SEMA6D: variants seen among roughly 807,000 people sequenced by gnomAD.
SEMA6D encodes semaphorin 6D.
SEMA6D carries 35 observed loss-of-function variants against 106.6 expected under a neutral mutation model. That is an observed-to-expected ratio of 0.33 (90% CI 0.25 to 0.44). The LOEUF is 0.44. SEMA6D is among the 20% of genes least tolerant of loss of function. The pLI is 1.00. For missense variants in SEMA6D, 1,185 were observed against 1,345.9 expected (o/e 0.88, Z 1.87); for synonymous variants, 499 against 487.7 (o/e 1.02, Z -0.31).
At chr15:47,482,138 C>T (rs1312567570) in intron 3 of SEMA6D, among the ~76,000 whole-genome samples, 2 of 152,082 alleles carry the variant, frequency 1.3e-5, no homozygotes, top group Non-Finnish European at 2.9e-5. Flanking sequence ...AGTAATTGAT[C>T]TCTCTAGAAT....
At chr15:47,524,888 C>G (rs2044702468) in intron 3 of SEMA6D, among the ~76,000 whole-genome samples, 1 of 152,128 alleles carries the variant, frequency 6.6e-6, no homozygotes, top group African/African-American at 2.4e-5. Flanking sequence ...CTCAGTGAAC[C>G]AGGTAGGGCA....
At chr15:47,446,826 G>A (rs940869401) in intron 2 of SEMA6D, among the ~76,000 whole-genome samples, 1 of 152,120 alleles carries the variant, frequency 6.6e-6, no homozygotes, top group African/African-American at 2.4e-5. Context: ...CATATGTCAT[G>A]TCTGTTGTAG....
At chr15:47,290,918 G>T (rs138736190) in intron 1 of SEMA6D, among the ~76,000 whole-genome samples, 1 of 152,180 alleles carries the variant, frequency 6.6e-6, no homozygotes, top group South Asian at 2.1e-4. Flanking sequence ...TATAATTCAG[G>T]TTCCTCTACA....
At position 47,731,397 on chromosome 15, in the gene SEMA6D, G is replaced by A. The variant is rs182766924; in HGVS notation, c.-55+13705G>A. 2.0e-3 allele frequency among the ~76,000 whole-genome samples: 300 copies of A among 152,194 alleles called. 4 individuals are homozygous for A. Among genetic ancestry groups the A allele is most frequent in the African/African-American group, 6.8e-3 (283 of 41,510 alleles). ...AGCCAAACCTGACTTACTGGTAGTG[G>A]CTGTTACAGCTTGTGCTTCAGAAAT... On this transcript the variant is annotated intron_variant, in intron 1 of 18. Coordinates refer to ENST00000536845, the MANE Select transcript of SEMA6D (RefSeq NM_001358351.3).
At chr15:47,390,699 C>A (rs1447380813) in intron 1 of SEMA6D, among the ~76,000 whole-genome samples, 1 of 152,132 alleles carries the variant, frequency 6.6e-6, no homozygotes, top group Non-Finnish European at 1.5e-5. Flanking sequence ...ACTTAAATAT[C>A]GATTCCTCAG....
chr15:47,277,324 A>G (rs2034866671), intron 1 of SEMA6D, among the ~76,000 whole-genome samples: 1 of 152,124 alleles, frequency 6.6e-6, no homozygotes, highest in Non-Finnish European at 1.5e-5. Context: ...ATGCTATCAA[A>G]TTACATCACA....
chr15:47,723,488 A>T (rs1227808059), intron 1 of SEMA6D, among the ~76,000 whole-genome samples: 1 of 152,168 alleles, frequency 6.6e-6, no homozygotes, highest in African/African-American at 2.4e-5. Context: ...GGGGGAATTT[A>T]TGGGCCCCAT....
intron 2 of SEMA6D, among the ~76,000 whole-genome samples, chr15:47,414,473 G>A (rs1412577052): frequency 1.3e-5 from 2 of 152,260 alleles, no homozygotes; most frequent in East Asian, 1.9e-4. Flanking sequence ...AGAGAAACAC[G>A]CATGTGATTG....
At chr15:47,388,998 AT>A (rs1353767996) in intron 1 of SEMA6D, among the ~76,000 whole-genome samples, 1 of 150,804 alleles carries the variant, frequency 6.6e-6, no homozygotes, top group Non-Finnish European at 1.5e-5. Flanking sequence ...CATAAGGATT[AT>A]TTGGTGCAAA....
chr15:47,376,643 A>T (rs2039458847), intron 1 of SEMA6D, among the ~76,000 whole-genome samples: 1 of 152,228 alleles, frequency 6.6e-6, no homozygotes, highest in Admixed American at 6.5e-5. Flanking sequence ...TTGCTAAAGA[A>T]AGATAAACAA....
At chr15:47,473,974 T>C (rs1318096723) in intron 3 of SEMA6D, among the ~76,000 whole-genome samples, 3 of 152,094 alleles carry the variant, frequency 2.0e-5, no homozygotes, top group African/African-American at 7.2e-5. Flanking sequence ...GGCTGTGCCT[T>C]TCCCAGCTGG....
intron 3 of SEMA6D, among the ~76,000 whole-genome samples, chr15:47,511,511 T>C (rs1024171720): frequency 6.6e-6 from 1 of 152,122 alleles, no homozygotes; most frequent in African/African-American, 2.4e-5. Context: ...CAGTTTTCAC[T>C]ACCCCCCTCC....
At chr15:47,224,205 A>G (rs1187288496) in intron 1 of SEMA6D, among the ~76,000 whole-genome samples, 1 of 151,700 alleles carries the variant, frequency 6.6e-6, no homozygotes, top group Non-Finnish European at 1.5e-5. Flanking sequence ...TAAAAAAAAA[A>G]GAAATACTAT....
chr15:47,207,993 G>GCGCGCGCACACACACACACA (rs1424944556), intron 1 of SEMA6D, among the ~76,000 whole-genome samples: 4 of 89,398 alleles, frequency 4.5e-5, no homozygotes, highest in African/African-American at 1.6e-4. Flanking sequence ...TGGCGCGCGC[G>GCGCGCGCACACACACACACA]CACACACACA....
At chr15:47,252,235 C>T (rs62014026) in intron 1 of SEMA6D, among the ~76,000 whole-genome samples, 3 of 151,864 alleles carry the variant, frequency 2.0e-5, no homozygotes, top group Admixed American at 6.6e-5. Context: ...TTGAGTGTTG[C>T]GATTTCTTCA....
At chr15:47,255,149 A>G (rs1192545926) in intron 1 of SEMA6D, among the ~76,000 whole-genome samples, 1 of 151,958 alleles carries the variant, frequency 6.6e-6, no homozygotes, top group Non-Finnish European at 1.5e-5. Flanking sequence ...CAAGTTTTTA[A>G]TTTCTTTATG....
chr15:47,547,060 GT>G (rs1257978801), intron 3 of SEMA6D, among the ~76,000 whole-genome samples: 4 of 152,174 alleles, frequency 2.6e-5, no homozygotes, highest in African/African-American at 9.6e-5. Flanking sequence ...TACTTCTGAT[GT>G]TTATGTGAAC....
Position 47,587,986 on chromosome 15 carries a change from G to C in SEMA6D, c.-86-12879G>C, listed in dbSNP as rs182457964. 1.0e-3 allele frequency among the ~76,000 whole-genome samples: 155 copies of C among 152,252 alleles called. 1 individual carries two copies. The highest frequency in any genetic ancestry group is 3.6e-3 in the African/African-American group (150 of 41,526). On this transcript the variant is annotated intron_variant, in intron 3 of 19. Transcript: ENST00000558014. ...CTGAAAAGAGTGGCTGGGAAGTTGC[G>C]TGAGTGCAGCTACTTCTACAGGAAA...
intron 1 of SEMA6D, among the ~76,000 whole-genome samples, chr15:47,389,019 T>C (rs961484559): frequency 2.0e-5 from 3 of 152,152 alleles, no homozygotes; most frequent in Non-Finnish European, 2.9e-5. Flanking sequence ...AAGTAAGTAA[T>C]GTTTTTTTTC....
Sources: gnomAD v4.1 joint callset for allele counts (sites outside exome capture counted in the v4.1 genomes callset) on GRCh38, gnomAD v4.1.1 for gene constraint, MANE v1.5 for transcripts, NCBI Gene and HGNC (gene_info 2026-07-23, HGNC 2026-07-21) for gene names.